The following BBX variants were observed in gnomAD, a reference collection of about 807,000 sequenced individuals.
BBX encodes BBX high mobility group box domain containing.
Under a neutral mutation model 100.2 loss-of-function variants are expected in BBX, and 30 were observed. The ratio of observed to expected loss-of-function variants is 0.30; its 90% CI spans 0.22 to 0.41. The LOEUF (loss-of-function observed/expected upper bound fraction) is 0.41, where lower values mean the gene tolerates loss of function less well. BBX is among the 10% of genes least tolerant of loss of function. The pLI, the probability that BBX is intolerant of heterozygous loss-of-function variation, is 1.00. For missense variants in BBX, 1,023 were observed against 1,129.8 expected (o/e 0.91, Z 1.35); for synonymous variants, 376 against 388.1 (o/e 0.97, Z 0.37).
At chr3:107,730,907 C>A (rs2063275660) in intron 6 of BBX, among the ~76,000 whole-genome samples, 1 of 152,142 alleles carries the variant, frequency 6.6e-6, no homozygotes, top group African/African-American at 2.4e-5. Flanking sequence ...ACATCTGAAT[C>A]TAGGAGATAA....
chr3:107,693,098 G>A (rs1214978465), intron 3 of BBX, among the ~76,000 whole-genome samples: 1 of 146,062 alleles, frequency 6.8e-6, no homozygotes, highest in African/African-American at 2.6e-5. Flanking sequence ...CTGGATATTA[G>A]CCCTTTGTCA....
chr3:107,646,864 T>C (rs1321200075), intron 3 of BBX, among the ~76,000 whole-genome samples: 1 of 152,164 alleles, frequency 6.6e-6, no homozygotes, highest in Non-Finnish European at 1.5e-5. Flanking sequence ...TTTTGGTAAC[T>C]ATATCACTGA....
rs1350480261 is a variant in BBX at position 107,668,017 on chromosome 3, TGACTA to T, written c.-10+22110_-10+22114del. On this transcript the variant is annotated intron_variant, in intron 3 of 17. Coordinates refer to ENST00000325805, the MANE Select transcript of BBX (RefSeq NM_001142568.3). ...ATAAAAATTTACATTTCCAAAAGCC[TGACTA>T]GGTTTTATTAAATTTGAAAAATAAG... Among the ~76,000 whole-genome samples, 10 of 152,232 alleles carry T rather than the reference TGACTA, an allele frequency of 6.6e-5. 1 individual carries two copies. Among genetic ancestry groups the T allele is most frequent in the Non-Finnish European group, 1.5e-5 (1 of 68,028 alleles).
At chr3:107,594,891 A>G (rs58052468) in intron 2 of BBX, among the ~76,000 whole-genome samples, 8,066 of 152,284 alleles carry the variant, frequency 0.053, 691 homozygotes, top group African/African-American at 0.18. Flanking sequence ...TTACCTTTAA[A>G]AGATGAGGCA....
chr3:107,745,858 T>C (rs891276113), intron 8 of BBX, among the ~76,000 whole-genome samples: 20 of 152,174 alleles, frequency 1.3e-4, no homozygotes, highest in African/African-American at 4.8e-4. Flanking sequence ...TCTAAAGATC[T>C]AATGATACCT....
intron 2 of BBX, among the ~76,000 whole-genome samples, chr3:107,598,973 G>A (rs931342276): frequency 1.3e-5 from 2 of 152,114 alleles, no homozygotes; most frequent in Non-Finnish European, 2.9e-5. Flanking sequence ...TCTGGCCCCA[G>A]GCAGTGACCC....
chr3:107,773,666 T>C lies in BBX; in HGVS notation c.1915+30T>C, dbSNP rs1313640106. The C allele has an allele frequency of 9.0e-6, 14 of 1,556,544 alleles. No homozygotes were observed. The South Asian group carries it at 1.2e-4, about 14-fold the overall frequency. ...GTAACTTCTACAAACCTGAAAAGAATTCAAAAACCAAACAGAATTTCACCT... is the reference window on the plus strand; with the variant it reads ...GTAACTTCTACAAACCTGAAAAGAACTCAAAAACCAAACAGAATTTCACCT... On this transcript the variant is annotated intron_variant, in intron 11 of 17. Coordinates refer to ENST00000325805, the MANE Select transcript of BBX (RefSeq NM_001142568.3). This position sits in a 1 kb window ranked among gnomAD's most constrained non-coding sequence, Gnocchi z 4.1.
chr3:107,588,177 T>C (rs2053008725), intron 2 of BBX, among the ~76,000 whole-genome samples: 1 of 152,112 alleles, frequency 6.6e-6, no homozygotes, highest in African/African-American at 2.4e-5. Flanking sequence ...TATTAAATGA[T>C]TTGAATGACT....
intron 9 of BBX, among the ~76,000 whole-genome samples, chr3:107,748,981 A>G (rs2064846176): frequency 6.6e-6 from 1 of 151,726 alleles, no homozygotes; most frequent in South Asian, 2.1e-4. Flanking sequence ...AGAAAAAAAT[A>G]CTTTTGGCTC....
chr3:107,801,435 T>A (rs137943979), intron 17 of BBX, among the ~76,000 whole-genome samples, 154 bp downstream of exon 17: 2 of 152,366 alleles, frequency 1.3e-5, no homozygotes, highest in East Asian at 1.9e-4. Context: ...ATATGCTAAT[T>A]AGCAGTGCGG....
chr3:107,697,715 T>G (rs907943495), intron 3 of BBX, among the ~76,000 whole-genome samples: 2 of 151,874 alleles, frequency 1.3e-5, no homozygotes, highest in Non-Finnish European at 2.9e-5. Context: ...TGAGCTGTGG[T>G]GGGCTCCACC....
At chr3:107,732,593 A>G (rs2107528608) in intron 6 of BBX, among the ~76,000 whole-genome samples, 1 of 152,320 alleles carries the variant, frequency 6.6e-6, no homozygotes, top group East Asian at 1.9e-4. Context: ...ACAATCTAAA[A>G]TTTCTCAGAA....
intron 3 of BBX, among the ~76,000 whole-genome samples, chr3:107,694,679 G>A (rs1201545833): frequency 2.0e-5 from 3 of 150,760 alleles, no homozygotes; most frequent in Admixed American, 6.6e-5. Flanking sequence ...GTCTCTGCCT[G>A]GCTTTGGTAT....
At chr3:107,710,684 A>AGG (rs1374767550) in intron 4 of BBX, 62 bp downstream of exon 4, 4 of 1,405,240 alleles carry the variant, frequency 2.8e-6, no homozygotes, top group Non-Finnish European at 2.9e-6. Context: ...ATCTAGAAAC[A>AGG]ATAGTGAACA....
chr3:107,704,694 C>A (rs184840735), intron 3 of BBX, among the ~76,000 whole-genome samples: 1 of 152,144 alleles, frequency 6.6e-6, no homozygotes, highest in Non-Finnish European at 1.5e-5. Flanking sequence ...GAGGGCAGAT[C>A]CCCCATGACT....
chr3:107,540,565 T>C (rs939023139), intron 2 of BBX, among the ~76,000 whole-genome samples: 6 of 152,216 alleles, frequency 3.9e-5, no homozygotes, highest in Admixed American at 6.5e-5. Flanking sequence ...TCTGGAATTA[T>C]GTCATATGTA....
chr3:107,805,403 A>G lies in BBX; in HGVS notation c.2772A>G (p.Gly924=). ...GGTCAACTCCGCTCACCCATGATGG[A>G]CAGCCAAAAGAAATGCCGCAGGCTC... ...GQRSTPLTHD[G]QPKEMPQAPV... The change falls in exon 18 of 18, where the codon GGA becomes GGG. Residue 924 remains glycine (G), a synonymous_variant. Transcript: ENST00000325805. The G allele has an allele frequency of 1.2e-6, 2 of 1,614,060 alleles. No homozygotes were observed. The highest frequency in any genetic ancestry group is 1.7e-6 in the Non-Finnish European group (2 of 1,179,962).
chr3:107,668,379 C>T (rs552516980), intron 3 of BBX, among the ~76,000 whole-genome samples: 43 of 152,158 alleles, frequency 2.8e-4, no homozygotes, highest in Non-Finnish European at 4.6e-4. Flanking sequence ...TTCTTGGCTG[C>T]CCTTTTCATC....
intron 4 of BBX, among the ~76,000 whole-genome samples, chr3:107,715,439 A>G (rs1313980518): frequency 6.6e-6 from 1 of 152,200 alleles, no homozygotes; most frequent in Non-Finnish European, 1.5e-5. Context: ...CAAAAATTCG[A>G]AACACTTCTG....
Sources: allele counts gnomAD v4.1 joint callset (sites outside exome capture counted in the v4.1 genomes callset), GRCh38; gene constraint gnomAD v4.1.1; non-coding constraint Gnocchi (gnomAD v3.1); transcripts MANE v1.5; gene names NCBI Gene and HGNC (gene_info 2026-07-23, HGNC 2026-07-21).